CBLL1: variants seen among roughly 807,000 people sequenced by gnomAD.
The protein encoded by CBLL1 is E3 ubiquitin-protein ligase Hakai.
A neutral mutation model predicts 44.9 loss-of-function variants in CBLL1; 4 were observed. That is an observed-to-expected ratio of 0.09 (90% CI 0.04 to 0.20). CBLL1 has a LOEUF of 0.20. Ranked by LOEUF, CBLL1 falls within the 10% of genes least tolerant of loss-of-function variation. The pLI, the probability that CBLL1 is intolerant of heterozygous loss-of-function variation, is 1.00. For missense variants in CBLL1, 569 were observed against 636.7 expected (o/e 0.89, Z 1.14); for synonymous variants, 235 against 202.2 (o/e 1.16, Z -1.38).
intron 3 of CBLL1, 146 bp from the exon 4 acceptor site, chr7:107,753,749 A>G: frequency 1.9e-6 from 1 of 533,692 alleles, no homozygotes. Context: ...ATCACAACTA[A>G]TGGTGGGGAA....
intron 2 of CBLL1, among the ~76,000 whole-genome samples, chr7:107,751,854 T>A (rs758882948): frequency 7.9e-5 from 12 of 152,274 alleles, no homozygotes; most frequent in Non-Finnish European, 1.8e-4. Flanking sequence ...TGAAAAATGA[T>A]AATGTGCTCC....
At chr7:107,756,680 T>C (rs1793543450) in intron 5 of CBLL1, among the ~76,000 whole-genome samples, 1 of 152,118 alleles carries the variant, frequency 6.6e-6, no homozygotes, top group Non-Finnish European at 1.5e-5. Context: ...GTATAAGTAT[T>C]AAAAGGAAAT....
In CBLL1 at chr7:107,760,719, A is replaced by G. The variant is rs1793729208; in HGVS notation, c.*1541A>G. The G allele has an allele frequency of 6.6e-6, 1 of 152,216 alleles. No homozygotes were observed. The highest frequency in any genetic ancestry group is 2.4e-5 in the African/African-American group (1 of 41,448). The allele number at this position is 152,216 out of a possible 1,614,324, so 9.4% of individuals were successfully genotyped here. ...ATAGTTTGTAGTGTATACATTTAGA[A>G]CATACTTCTTTTGACAAAGGGTGAT... On this transcript the variant is annotated 3_prime_UTR_variant, in exon 6 of 6. Transcript: ENST00000440859.
rs534947864 is a variant in CBLL1 at position 107,750,997 on chromosome 7, C to G, written c.181+1950C>G. ...GGGTCTGGCTTTTTTTTTTTTCCCT[C>G]GAAACATTGTCCCAACTCTTTTCCT... is the stretch of plus-strand genomic sequence containing the variant. On this transcript the variant is annotated intron_variant, in intron 2 of 5. Transcript: ENST00000440859. Among the ~76,000 whole-genome samples the G allele has an allele frequency of 1.0e-3, 155 of 150,242 alleles. 1 individual carries two copies. The highest frequency in any genetic ancestry group is 1.6e-3 in the Non-Finnish European group (106 of 67,596).
In CBLL1 at chr7:107,759,183, A is replaced by G. The variant is rs778631272; in HGVS notation, c.*5A>G. 7 of 1,577,708 alleles carry G rather than the reference A, an allele frequency of 4.4e-6. No homozygotes were observed. In the South Asian group the frequency reaches 8.1e-5, roughly 18 times the overall value. ...TATAGACCGTATTACCAATGATAAT[A>G]GTATTTTGAATGGAAGATATGAGGG... On this transcript the variant is annotated 3_prime_UTR_variant, in exon 6 of 6. Transcript: ENST00000440859.
Position 107,753,456 on chromosome 7 carries a change from G to C in CBLL1, c.227G>C (p.Gly76Ala), listed in dbSNP as rs1200169279. 1.1e-5 allele frequency: 18 copies of C among 1,591,620 alleles called. No homozygotes were observed. Among genetic ancestry groups the C allele is most frequent in the Non-Finnish European group, 1.5e-5 (17 of 1,171,658 alleles). ...GAAGAACGGTATGACTGTAAAGGGG[G>C]TGAGCTGTTTGCAAATCAGCGAAGA... ...NEEERYDCKG[G>A]ELFANQRRFP... Residue 76 changes from glycine (G) to alanine (A), a missense_variant, in exon 3 of 6, where the codon GGT becomes GCT. This residue lies in a region of CBLL1 where 209 missense variants were observed against 202.8 expected (regional missense o/e 1.03). Transcript: ENST00000440859.
At chr7:107,752,679 G>A (rs1459016179) in intron 2 of CBLL1, 3 of 889,828 alleles carry the variant, frequency 3.4e-6, no homozygotes, top group African/African-American at 1.8e-5. Context: ...TCTTTTGTAG[G>A]AGTTGAGAAG....
At chr7:107,754,059 G>A in intron 4 of CBLL1, 81 bp downstream of exon 4, 1 of 794,658 alleles carries the variant, frequency 1.3e-6, no homozygotes, top group Non-Finnish European at 1.9e-6. Context: ...GTTTATCATT[G>A]TTTAATGACT....
At chr7:107,745,358 A>T (rs190322981) in intron 1 of CBLL1, among the ~76,000 whole-genome samples, 13 of 152,304 alleles carry the variant, frequency 8.5e-5, no homozygotes, top group Admixed American at 7.8e-4. Context: ...GAAAAAAGCA[A>T]GAGGAAGAGC....
At position 107,758,062 on chromosome 7, in the gene CBLL1, A is replaced by G. The variant is rs1793608536; in HGVS notation, c.441-81A>G. ...ATGTTTTATGTAACAGTCAAATTTT[A>G]AAAACAAGCATATTTTTGAAAATTA... On this transcript the variant is annotated intron_variant, in intron 5 of 5. Transcript: ENST00000440859. The surrounding 1 kb of genome is among the most constrained non-coding windows in gnomAD (Gnocchi z 4.2). 2.3e-6 allele frequency: 3 copies of G among 1,292,316 alleles called. No individual in the cohort carries two copies. The Admixed American group carries it at 7.7e-5, about 33-fold the overall frequency. The allele number at this position is 1,292,316 out of a possible 1,614,324, so 80.1% of individuals were successfully genotyped here.
rs1222941989 is a variant in CBLL1, at chr7:107,760,651, T to C, written c.*1473T>C. ...TTTTCCTCCCCACTAAAATGGTGCA[T>C]AATAAAACATGAAATATGTAGTATG... On this transcript the variant is annotated 3_prime_UTR_variant, in exon 6 of 6. Transcript: ENST00000440859. 6.6e-6 allele frequency: 1 copy of C among 152,252 alleles called. No individual in the cohort carries two copies. The highest frequency in any genetic ancestry group is 2.4e-5 in the African/African-American group (1 of 41,464). The allele number at this position is 152,252 out of a possible 1,614,324, so 9.4% of individuals were successfully genotyped here. A position where few individuals can be genotyped will look rare whatever the true frequency, so the allele number is the denominator to read the frequency against.
chr7:107,744,160 A>C lies in CBLL1; in HGVS notation c.-4A>C. ...CGCTCCCACTGTGCTCTGCGAGCCG[A>C]ATCATGGATCACACTGGTAAGGAGG... is the stretch of plus-strand genomic sequence containing the variant. On this transcript the variant is annotated 5_prime_UTR_variant, in exon 1 of 6. Transcript: ENST00000440859. 1 of 1,554,738 alleles carries C rather than the reference A, an allele frequency of 6.4e-7. No homozygotes were observed. Among genetic ancestry groups the C allele is most frequent in the Non-Finnish European group, 8.7e-7 (1 of 1,148,820 alleles).
At chr7:107,755,207 A>G (rs1793474956) in intron 4 of CBLL1, among the ~76,000 whole-genome samples, 1 of 152,190 alleles carries the variant, frequency 6.6e-6, no homozygotes, top group South Asian at 2.1e-4. Flanking sequence ...GCATGTGTGT[A>G]CATTTATTGG....
intron 2 of CBLL1, chr7:107,749,297 C>CT (rs1434967804): frequency 3.7e-6 from 1 of 272,742 alleles, no homozygotes; most frequent in Non-Finnish European, 6.8e-6. Flanking sequence ...TTGCAGAAAG[C>CT]ATAACATTAA....
In CBLL1 at chr7:107,744,194, G is replaced by A. The variant is rs564766694; in HGVS notation, c.13+18G>A. ...TCACACTGGTAAGGAGGCGGAGGCA[G>A]TGGGGGTCCCGGTTCCAAGCCCCCT... On this transcript the variant is annotated intron_variant, in intron 1 of 5. Coordinates refer to ENST00000440859, the MANE Select transcript of CBLL1 (RefSeq NM_024814.4). 1 of 1,546,888 alleles carries A rather than the reference G, an allele frequency of 6.5e-7. No individual in the cohort carries two copies. Among genetic ancestry groups the A allele is most frequent in the Admixed American group, 2.0e-5 (1 of 50,040 alleles).
intron 2 of CBLL1, among the ~76,000 whole-genome samples, chr7:107,749,969 T>G (rs980186953): frequency 6.6e-6 from 1 of 152,142 alleles, no homozygotes; most frequent in Non-Finnish European, 1.5e-5. Context: ...TGTTTTTGTT[T>G]TTTTGAGACT....
chr7:107,749,068 G>A, intron 2 of CBLL1, 21 bp downstream of exon 2: 1 of 1,609,366 alleles, frequency 6.2e-7, no homozygotes, highest in Non-Finnish European at 8.5e-7. Flanking sequence ...TAACTAATAG[G>A]TCCAACACTC....
At position 107,755,457 on chromosome 7, in the gene CBLL1, T is replaced by A. The variant is rs1211890162; in HGVS notation, c.406T>A (p.Leu136Ile). 1 of 1,590,010 alleles carries A rather than the reference T, an allele frequency of 6.3e-7. No homozygotes were observed. Residue 136 changes from leucine (L) to isoleucine (I), a missense_variant, in exon 5 of 6, where the codon TTA (leucine) becomes ATA (isoleucine). By Grantham distance (5) the Leu-to-Ile change is conservative. Transcript: ENST00000440859. ...KHVFCYDCAI[L>I]HEKKGDKMCP... The stretch of plus-strand genomic sequence containing the variant: ...TGTTTTTTGCTATGACTGTGCTATT[T>A]TACATGAAAAAAAGGGAGATAAGAT...
intron 2 of CBLL1, chr7:107,752,519 G>C: frequency 7.9e-7 from 1 of 1,269,596 alleles, no homozygotes; most frequent in South Asian, 1.2e-5. Context: ...GTTAAAACTT[G>C]TGTGCTTGGC....
Sources: gnomAD v4.1 joint callset for allele counts (sites outside exome capture counted in the v4.1 genomes callset) on GRCh38, gnomAD v4.1.1 for gene constraint, gnomAD v4.1.1 regional missense constraint, Gnocchi (gnomAD v3.1) non-coding constraint, MANE v1.5 for transcripts, NCBI Gene and HGNC (gene_info 2026-07-23, HGNC 2026-07-21) for gene names.